Variants in CTNNA3 observed in about 807,000 individuals in gnomAD.
CTNNA3 encodes the protein catenin alpha-3.
Under a neutral mutation model 95.7 loss-of-function variants are expected in CTNNA3, and 76 were observed. That is an observed-to-expected ratio of 0.79 (90% CI 0.66 to 0.96). The LOEUF (loss-of-function observed/expected upper bound fraction) is 0.96. CTNNA3 is among the 40% of genes least tolerant of loss of function. The pLI is 0.00. For missense variants in CTNNA3, 1,191 were observed against 1,089.8 expected (o/e 1.09, Z -1.31); for synonymous variants, 431 against 374.4 (o/e 1.15, Z -1.74).
chr10:67,033,044 AC>A (rs1853829993), intron 7 of CTNNA3, among the ~76,000 whole-genome samples: 1 of 152,222 alleles, frequency 6.6e-6, no homozygotes, highest in East Asian at 1.9e-4. Context: ...GCCTAAAGGA[AC>A]AAAGATAACA....
intron 5 of CTNNA3, among the ~76,000 whole-genome samples, chr10:67,230,076 A>G (rs931103641): frequency 1.3e-5 from 2 of 152,208 alleles, no homozygotes; most frequent in African/African-American, 4.8e-5. Context: ...AAACTATACT[A>G]TAAGGCCATA....
chr10:66,039,479 C>T (rs1941992), intron 15 of CTNNA3, among the ~76,000 whole-genome samples: 3,544 of 152,244 alleles, frequency 0.023, 139 homozygotes, highest in African/African-American at 0.079. Context: ...TCAAACTATA[C>T]TATGGGGCTA....
intron 7 of CTNNA3, among the ~76,000 whole-genome samples, chr10:66,959,677 G>A (rs1041428056): frequency 6.6e-6 from 1 of 152,146 alleles, no homozygotes; most frequent in Non-Finnish European, 1.5e-5. Context: ...TACTCTCAGT[G>A]CAACTGAACT....
intron 3 of CTNNA3, among the ~76,000 whole-genome samples, chr10:67,579,644 G>C (rs1589448654): frequency 6.6e-6 from 1 of 152,196 alleles, no homozygotes; most frequent in Non-Finnish European, 1.5e-5. Context: ...CTTCGACAAT[G>C]GTTGAACTAG....
At chr10:66,577,822 T>C (rs1170003803) in intron 10 of CTNNA3, among the ~76,000 whole-genome samples, 1 of 152,090 alleles carries the variant, frequency 6.6e-6, no homozygotes, top group African/African-American at 2.4e-5. Context: ...TTTGATTCCA[T>C]ATGAATTTTA....
intron 7 of CTNNA3, among the ~76,000 whole-genome samples, chr10:66,950,691 A>G (rs1028757659): frequency 6.6e-6 from 1 of 152,300 alleles, no homozygotes; most frequent in African/African-American, 2.4e-5. Context: ...GAAGTATAAA[A>G]TTACTCCTGA....
At chr10:65,953,983 C>G in intron 17 of CTNNA3, among the ~76,000 whole-genome samples, 1 of 152,184 alleles carries the variant, frequency 6.6e-6, no homozygotes, top group East Asian at 1.9e-4. Flanking sequence ...AATGGTTGAA[C>G]TAGTTTACAG....
At chr10:67,157,438 G>A (rs1053947595) in intron 7 of CTNNA3, among the ~76,000 whole-genome samples, 2 of 152,074 alleles carry the variant, frequency 1.3e-5, no homozygotes, top group African/African-American at 4.8e-5. Context: ...CTGTATGAGT[G>A]GAAGCTACAA....
At chr10:66,694,501 A>T (rs4313466) in intron 9 of CTNNA3, among the ~76,000 whole-genome samples, 27,106 of 152,140 alleles carry the variant, frequency 0.18, 3,064 homozygotes, top group East Asian at 0.34. Context: ...GTCCAGGACC[A>T]GACGGATTCA....
chr10:67,024,528 C>T (rs1196951108), intron 7 of CTNNA3, among the ~76,000 whole-genome samples: 1 of 152,118 alleles, frequency 6.6e-6, no homozygotes, highest in Non-Finnish European at 1.5e-5. Context: ...ATTTGGCCTA[C>T]CATAAGACCA....
intron 15 of CTNNA3, among the ~76,000 whole-genome samples, chr10:65,997,031 T>TA (rs397847132): frequency 2.0e-5 from 3 of 152,088 alleles, no homozygotes; most frequent in African/African-American, 7.3e-5. Context: ...GTGTTTTTTT[T>TA]AATCCCATTA....
intron 7 of CTNNA3, among the ~76,000 whole-genome samples, chr10:66,856,231 T>C (rs1193545482): frequency 6.6e-6 from 1 of 152,020 alleles, no homozygotes; most frequent in Non-Finnish European, 1.5e-5. Flanking sequence ...GCTCCAACCA[T>C]GTTGTGGCAA....
intron 5 of CTNNA3, among the ~76,000 whole-genome samples, chr10:67,289,534 T>C (rs1410617040): frequency 6.6e-6 from 1 of 152,162 alleles, no homozygotes. Context: ...TAATCAAACA[T>C]TTGGCCCTCT....
Position 66,099,965 on chromosome 10 carries a change from A to G in CTNNA3, c.1977+3192T>C, listed in dbSNP as rs560360225. On this transcript the variant is annotated intron_variant, in intron 14 of 17. Transcript: ENST00000433211. The stretch of plus-strand genomic sequence containing the variant: ...AAATTTGAGCCTTAGTGATCTTATT[A>G]GTAAAACTGGAATAATATTAATATA... 1.8e-4 allele frequency among the ~76,000 whole-genome samples: 27 copies of G among 152,328 alleles called. No homozygotes were observed. The South Asian group carries it at 4.3e-3, about 25-fold the overall frequency.
chr10:67,503,949 A>C lies in CTNNA3; in HGVS notation c.579+17893T>G, dbSNP rs1055583370. Among the ~76,000 whole-genome samples, 26 of 152,148 alleles carry C rather than the reference A, an allele frequency of 1.7e-4. No homozygotes were observed. The East Asian group carries it at 3.3e-3, about 19-fold the overall frequency. ...AAGGCGGGCGGATCACAAGGTCAGGAGATCAAGACCATCCTGGCTAACATG... is the reference window on the plus strand; with the variant it reads ...AAGGCGGGCGGATCACAAGGTCAGGCGATCAAGACCATCCTGGCTAACATG... On this transcript the variant is annotated intron_variant, in intron 5 of 17. Transcript: ENST00000433211.
intron 13 of CTNNA3, among the ~76,000 whole-genome samples, chr10:66,136,848 G>C (rs547804096): frequency 7.3e-5 from 11 of 151,180 alleles, no homozygotes; most frequent in Non-Finnish European, 1.6e-4. Flanking sequence ...TTTTGAGATA[G>C]AGTCTCACTG....
At chr10:66,477,273 C>T (rs6480176) in intron 11 of CTNNA3, among the ~76,000 whole-genome samples, 9,412 of 152,062 alleles carry the variant, frequency 0.062, 609 homozygotes, top group African/African-American at 0.16. Context: ...AATAGTTTGA[C>T]TAAATTTTTG....
At chr10:67,291,888 T>C (rs1182584294) in intron 5 of CTNNA3, among the ~76,000 whole-genome samples, 1 of 152,158 alleles carries the variant, frequency 6.6e-6, no homozygotes, top group Non-Finnish European at 1.5e-5. Context: ...GGCATACAAA[T>C]GTATTTAATG....
In CTNNA3 at chr10:66,050,902, G is replaced by A. The variant is rs183649055; in HGVS notation, c.2159+18406C>T. Among the ~76,000 whole-genome samples the A allele has an allele frequency of 2.3e-3, 352 of 152,126 alleles. 1 individual carries two copies. The highest frequency in any genetic ancestry group is 7.7e-3 in the African/African-American group (321 of 41,490). Reference sequence around the variant, plus strand: ...GGGGTCTTGTTCTTTCGCCCAGATGGGAGTACAGTGGTGGAATTAGAGCTC... The same window carrying A: ...GGGGTCTTGTTCTTTCGCCCAGATGAGAGTACAGTGGTGGAATTAGAGCTC... On this transcript the variant is annotated intron_variant, in intron 15 of 17. Transcript: ENST00000433211.
Sources: allele counts gnomAD v4.1 joint callset (sites outside exome capture counted in the v4.1 genomes callset), GRCh38; gene constraint gnomAD v4.1.1; transcripts MANE v1.5; gene names NCBI Gene and HGNC (gene_info 2026-07-23, HGNC 2026-07-21).